The following DIP2B variants were observed in gnomAD, a reference collection of about 807,000 sequenced individuals.
DIP2B encodes the protein disco-interacting protein 2 homolog B.
A neutral mutation model predicts 198.0 loss-of-function variants in DIP2B; 76 were observed. That is an observed-to-expected ratio of 0.38 (90% CI 0.32 to 0.46). The LOEUF (loss-of-function observed/expected upper bound fraction) is 0.46. DIP2B is among the 20% of genes least tolerant of loss of function. The pLI is 0.99. For synonymous variants in DIP2B, 701 were observed against 739.1 expected (o/e 0.95, Z 0.84); for missense variants, 1,559 against 1,978.4 (o/e 0.79, Z 4.02).
At chr12:50,594,678 T>C (rs1958863359) in intron 1 of DIP2B, among the ~76,000 whole-genome samples, 1 of 152,144 alleles carries the variant, frequency 6.6e-6, no homozygotes, top group South Asian at 2.1e-4. Context: ...AATTGAGAGT[T>C]CAACATTAAT....
chr12:50,516,358 G>A (rs1439671332), intron 1 of DIP2B, among the ~76,000 whole-genome samples: 4 of 151,930 alleles, frequency 2.6e-5, no homozygotes, highest in Non-Finnish European at 5.9e-5. Context: ...GGGCTTAAGC[G>A]ATCCTCCCAC....
intron 1 of DIP2B, among the ~76,000 whole-genome samples, chr12:50,556,177 C>G (rs968229230): frequency 8.6e-5 from 13 of 151,498 alleles, no homozygotes; most frequent in Non-Finnish European, 1.8e-4. Context: ...AGCCTCCCAG[C>G]CACCTGGGAT....
intron 8 of DIP2B, 86 bp from the exon 9 acceptor site, chr12:50,680,586 T>C: frequency 7.8e-7 from 1 of 1,281,242 alleles, no homozygotes; most frequent in Admixed American, 1.9e-5. Flanking sequence ...TCTCATTAAC[T>C]ACACTGATGA....
chr12:50,641,344 G>T (rs537909808), intron 3 of DIP2B, among the ~76,000 whole-genome samples: 1 of 152,264 alleles, frequency 6.6e-6, no homozygotes, highest in Admixed American at 6.5e-5. Context: ...GCAACAGTGA[G>T]ACTGCATCTC....
intron 21 of DIP2B, 130 bp from the exon 22 acceptor site, chr12:50,708,310 GATTATGAC>G: frequency 1.5e-6 from 1 of 665,950 alleles, no homozygotes; most frequent in East Asian, 2.8e-5. Context: ...TGAGAGTAAT[GATTATGAC>G]ATTTTCTTTT....
rs907146440 is a variant in DIP2B, at chr12:50,728,626, A to G, written c.3589A>G (p.Ile1197Val). Residue 1197 changes from isoleucine to valine, a missense_variant, in exon 30 of 38, where the codon ATC (isoleucine) becomes GTC (valine). Ile to Val is a conservative substitution (Grantham distance 29, BLOSUM62 3). Coordinates refer to ENST00000301180, the MANE Select transcript of DIP2B (RefSeq NM_173602.3). ...GTTGTACTCTTCTCGGCAGATCGCCATCTGCCTTGACCCTTACTGTGGACT... is the reference window on the plus strand; with the variant it reads ...GTTGTACTCTTCTCGGCAGATCGCCGTCTGCCTTGACCCTTACTGTGGACT... ...CELYSSRQIA[I>V]CLDPYCGLGF... 1.9e-6 allele frequency: 3 copies of G among 1,614,036 alleles called. No individual in the cohort carries two copies. The highest frequency in any genetic ancestry group is 1.1e-5 in the South Asian group (1 of 91,082).
chr12:50,730,172 T>C (rs1940013561), intron 30 of DIP2B, among the ~76,000 whole-genome samples: 1 of 152,180 alleles, frequency 6.6e-6, no homozygotes, highest in African/African-American at 2.4e-5. Flanking sequence ...ATTGTCAGTG[T>C]TGCCCCAACT....
rs115603646 is a variant in DIP2B, at chr12:50,699,403, T to G, written c.2325+201T>G. ...TGGTTAACCTCCCTGTGCCCCAATTTCCTTATCTTTAAAATGTAAGTAATA... is the reference window on the plus strand; with the variant it reads ...TGGTTAACCTCCCTGTGCCCCAATTGCCTTATCTTTAAAATGTAAGTAATA... On this transcript the variant is annotated intron_variant, in intron 19 of 37. Transcript: ENST00000301180. 3.3e-3 allele frequency among the ~76,000 whole-genome samples: 504 copies of G among 152,318 alleles called. 6 individuals are homozygous for G. The highest frequency in any genetic ancestry group is 0.011 in the African/African-American group (475 of 41,558).
In DIP2B at chr12:50,671,385, C is replaced by T; in HGVS notation, c.627C>T (p.Ala209=). The change falls in exon 5 of 38, where the codon GCC becomes GCT. Residue 209 remains alanine (A), a synonymous_variant. Coordinates refer to ENST00000301180, the MANE Select transcript of DIP2B (RefSeq NM_173602.3). ...GTSGSLADVF[A]NTRIENFSAP... ...GTGGGTCTCTAGCTGATGTATTTGC[C>T]AATACTCGAATAGGTAGGAGCTGGA... The T allele has an allele frequency of 6.2e-7, 1 of 1,614,028 alleles. No homozygotes were observed. Among genetic ancestry groups the T allele is most frequent in the South Asian group, 1.1e-5 (1 of 91,058 alleles).
At chr12:50,570,556 C>A (rs1010146538) in intron 1 of DIP2B, among the ~76,000 whole-genome samples, 1 of 152,034 alleles carries the variant, frequency 6.6e-6, no homozygotes, top group South Asian at 2.1e-4. Flanking sequence ...ATTAAAAATG[C>A]AAAATTAGCC....
chr12:50,736,970 G>T, intron 34 of DIP2B, 66 bp from the exon 35 acceptor site: 1 of 1,512,134 alleles, frequency 6.6e-7, no homozygotes, highest in East Asian at 2.3e-5. Context: ...GTAACTAACC[G>T]TGCGTTTCCT....
In DIP2B at chr12:50,704,155, T is replaced by TCTG; in HGVS notation, c.2343_2345dup (p.Ala782dup). On this transcript the variant is annotated inframe_insertion, in exon 20 of 38. Transcript: ENST00000301180. ...TGTCTCTTAGGTAATTCCAGTGAATTCTGCAGGCTCTCCTGTTGGGGATGT... is the reference window on the plus strand; with the variant it reads ...TGTCTCTTAGGTAATTCCAGTGAATTCTGCTGCAGGCTCTCCTGTTGGGGATGT... The TCTG allele has an allele frequency of 6.2e-7, 1 of 1,609,052 alleles. No individual in the cohort carries two copies. Among genetic ancestry groups the TCTG allele is most frequent in the Non-Finnish European group, 8.5e-7 (1 of 1,179,106 alleles).
chr12:50,617,514 A>C (rs1437488398), intron 1 of DIP2B, among the ~76,000 whole-genome samples: 2 of 151,628 alleles, frequency 1.3e-5, no homozygotes, highest in Non-Finnish European at 1.5e-5. Context: ...TGTCTGGTTT[A>C]AAAGATGAAA....
chr12:50,595,517 C>T (rs1958870981), intron 1 of DIP2B, among the ~76,000 whole-genome samples: 1 of 152,062 alleles, frequency 6.6e-6, no homozygotes, highest in African/African-American at 2.4e-5. Flanking sequence ...GTTGCCCAGG[C>T]CAGTCTTGAA....
At position 50,526,977 on chromosome 12, in the gene DIP2B, T is replaced by C. The variant is rs1958172383; in HGVS notation, c.100+21737T>C. On this transcript the variant is annotated intron_variant, in intron 1 of 37. Transcript: ENST00000301180. ...AACCAAATGTAATATCCGTAGGATC[T>C]GATCTAAAGCATAAGTTAATTAGGT... Among the ~76,000 whole-genome samples, 3 of 152,204 alleles carry C rather than the reference T, an allele frequency of 2.0e-5. No individual in the cohort carries two copies. In the South Asian group the frequency reaches 6.2e-4, roughly 31 times the overall value.
intron 12 of DIP2B, 108 bp downstream of exon 12, chr12:50,686,790 C>T (rs1277465092): frequency 3.0e-6 from 3 of 993,660 alleles, no homozygotes; most frequent in South Asian, 3.5e-5. Context: ...AGAAGATCCT[C>T]CTGCTTTGTG....
chr12:50,525,538 A>C (rs1416912585), intron 1 of DIP2B, among the ~76,000 whole-genome samples: 1 of 140,850 alleles, frequency 7.1e-6, no homozygotes, highest in Non-Finnish European at 1.5e-5. Context: ...TTTGAGACAG[A>C]GTCTCACTCT....
rs769818749 is a variant in DIP2B at position 50,685,860 on chromosome 12, T to C, written c.1345T>C (p.Leu449=). 6.2e-7 allele frequency: 1 copy of C among 1,613,882 alleles called. No individual in the cohort carries two copies. Among genetic ancestry groups the C allele is most frequent in the South Asian group, 1.1e-5 (1 of 91,062 alleles). The part of the protein sequence containing the change: ...KDAGGQQIGF[L]LGSCGIALAL... Reference sequence around the variant, plus strand: ...TGCTGGAGGTCAGCAGATTGGCTTCTTGCTAGGAAGCTGTGGTATTGCCTT... The same window carrying C: ...TGCTGGAGGTCAGCAGATTGGCTTCCTGCTAGGAAGCTGTGGTATTGCCTT... Residue 449 remains leucine, a synonymous_variant, in exon 11 of 38, where the codon TTG becomes CTG. Transcript: ENST00000301180.
intron 1 of DIP2B, among the ~76,000 whole-genome samples, chr12:50,594,503 T>G (rs1166372163): frequency 1.3e-5 from 2 of 152,232 alleles, no homozygotes; most frequent in African/African-American, 4.8e-5. Context: ...GGCTGATGTT[T>G]CGGTTCAGTT....
Sources: gnomAD v4.1 joint callset for allele counts (sites outside exome capture counted in the v4.1 genomes callset) on GRCh38, gnomAD v4.1.1 for gene constraint, MANE v1.5 for transcripts, NCBI Gene and HGNC (gene_info 2026-07-23, HGNC 2026-07-21) for gene names.